Variants in BORCS5 observed in about 807,000 individuals in gnomAD.
BORCS5 encodes BLOC-1 related complex subunit 5.
In BORCS5, 17 loss-of-function variants were observed where a neutral mutation model predicts 22.1. The observed-to-expected ratio is 0.77, with a 90% CI of 0.53 to 1.15. BORCS5 has a LOEUF of 1.15. Among genes scored for constraint, BORCS5 ranks in the 50% most tolerant of loss-of-function variants. The pLI is 0.00. For synonymous variants in BORCS5, 117 were observed against 99.8 expected (o/e 1.17, Z -1.03); for missense variants, 247 against 253.2 (o/e 0.98, Z 0.17).
intron 2 of BORCS5, among the ~76,000 whole-genome samples, chr12:12,411,886 C>T (rs1941744474): frequency 6.6e-6 from 1 of 152,188 alleles, no homozygotes; most frequent in African/African-American, 2.4e-5. Flanking sequence ...GTTGAAAAAA[C>T]TGTCCTTTCC....
intron 2 of BORCS5, among the ~76,000 whole-genome samples, chr12:12,428,683 A>T (rs896010671): frequency 1.3e-5 from 2 of 152,198 alleles, no homozygotes; most frequent in African/African-American, 4.8e-5. Context: ...ATGTGGATCA[A>T]CGTTCTTCTT....
intron 2 of BORCS5, among the ~76,000 whole-genome samples, chr12:12,368,395 C>T (rs1195780208): frequency 2.6e-5 from 4 of 151,806 alleles, no homozygotes; most frequent in African/African-American, 9.7e-5. Context: ...TGAAATGTAG[C>T]CATTAAGATG....
chr12:12,457,841 C>T (rs1388054787), intron 3 of BORCS5, among the ~76,000 whole-genome samples: 1 of 152,222 alleles, frequency 6.6e-6, no homozygotes, highest in Non-Finnish European at 1.5e-5. Flanking sequence ...CACTCCAGCT[C>T]AGGCAGGACA....
At chr12:12,402,419 C>T (rs1027310199) in intron 2 of BORCS5, among the ~76,000 whole-genome samples, 4 of 152,202 alleles carry the variant, frequency 2.6e-5, no homozygotes, top group Non-Finnish European at 4.4e-5. Context: ...GGAGACCCTT[C>T]TCTAATTAGG....
At chr12:12,421,976 A>C (rs868290399) in intron 2 of BORCS5, among the ~76,000 whole-genome samples, 1 of 151,788 alleles carries the variant, frequency 6.6e-6, no homozygotes, top group African/African-American at 2.4e-5. Flanking sequence ...TGGTTTATCA[A>C]TTTTGTTGAT....
intron 3 of BORCS5, among the ~76,000 whole-genome samples, chr12:12,456,720 T>G (rs1943004174): frequency 6.6e-6 from 1 of 151,984 alleles, no homozygotes; most frequent in Non-Finnish European, 1.5e-5. Flanking sequence ...TAAAAACACA[T>G]GGAAGGACTT....
chr12:12,438,385 A>C (rs369172937), intron 3 of BORCS5, among the ~76,000 whole-genome samples: 7,630 of 125,920 alleles, frequency 0.061, 421 homozygotes, highest in African/African-American at 0.092. Flanking sequence ...AAAAAACGAA[A>C]AACAACAACA....
rs531268811 is a variant in BORCS5 at position 12,421,897 on chromosome 12, A to T, written c.203-13731A>T. 3.3e-5 allele frequency among the ~76,000 whole-genome samples: 5 copies of T among 152,196 alleles called. No homozygotes were observed. The South Asian group carries it at 6.2e-4, about 19-fold the overall frequency. Reference sequence around the variant, plus strand: ...GTATTTCTGTGGGATCGGTGATGATATTCCCTTTATCATTTGTTATTGTGT... The same window carrying T: ...GTATTTCTGTGGGATCGGTGATGATTTTCCCTTTATCATTTGTTATTGTGT... On this transcript the variant is annotated intron_variant, in intron 2 of 3. Coordinates refer to ENST00000314565, the MANE Select transcript of BORCS5 (RefSeq NM_058169.6).
chr12:12,420,525 C>T (rs6647108), intron 2 of BORCS5, among the ~76,000 whole-genome samples: 3,974 of 152,186 alleles, frequency 0.026, 185 homozygotes, highest in African/African-American at 0.088. Flanking sequence ...CTTGGCAATG[C>T]GGGCTCTTTT....
intron 2 of BORCS5, 110 bp from the exon 3 acceptor site, chr12:12,435,518 C>A: frequency 1.2e-6 from 1 of 853,130 alleles, no homozygotes; most frequent in Non-Finnish European, 1.8e-6. Context: ...ACAAAAGATG[C>A]AAGATTAAAT....
At chr12:12,452,840 T>A (rs1353205908) in intron 3 of BORCS5, among the ~76,000 whole-genome samples, 1 of 152,210 alleles carries the variant, frequency 6.6e-6, no homozygotes, top group African/African-American at 2.4e-5. Context: ...TAGTTGACCC[T>A]GAAAGGTTTT....
intron 1 of BORCS5, among the ~76,000 whole-genome samples, chr12:12,359,547 A>G (rs1863228358): frequency 6.6e-6 from 1 of 151,828 alleles, no homozygotes; most frequent in Admixed American, 6.6e-5. Context: ...TTTTTAGTAG[A>G]GATAGGGTTT....
intron 2 of BORCS5, among the ~76,000 whole-genome samples, chr12:12,409,033 A>G (rs914997864): frequency 3.3e-5 from 5 of 152,090 alleles, no homozygotes; most frequent in African/African-American, 9.7e-5. Context: ...GCCAGCGGCT[A>G]TGCTATACCA....
intron 2 of BORCS5, among the ~76,000 whole-genome samples, chr12:12,394,712 G>C (rs1051821566): frequency 1.3e-5 from 2 of 151,854 alleles, no homozygotes; most frequent in African/African-American, 4.9e-5. Flanking sequence ...CAAACCTCAT[G>C]GTTGACTTAA....
At chr12:12,377,254 T>C (rs912485389) in intron 2 of BORCS5, among the ~76,000 whole-genome samples, 1 of 151,354 alleles carries the variant, frequency 6.6e-6, no homozygotes, top group Non-Finnish European at 1.5e-5. Flanking sequence ...CTTGGCTCAC[T>C]GCAAGCCCCG....
At chr12:12,441,031 G>T (rs1193866077) in intron 3 of BORCS5, among the ~76,000 whole-genome samples, 1 of 152,112 alleles carries the variant, frequency 6.6e-6, no homozygotes, top group Non-Finnish European at 1.5e-5. Flanking sequence ...GGAGAAAGGG[G>T]GATTCTTAGA....
intron 2 of BORCS5, among the ~76,000 whole-genome samples, chr12:12,363,484 A>G (rs1207639852): frequency 6.6e-6 from 1 of 151,598 alleles, no homozygotes; most frequent in African/African-American, 2.4e-5. Context: ...CGCCTGTAAA[A>G]CAGCACTTTG....
intron 3 of BORCS5, among the ~76,000 whole-genome samples, chr12:12,438,360 C>CCA (rs1942598514): frequency 4.2e-5 from 1 of 23,810 alleles, no homozygotes; most frequent in East Asian, 9.7e-4. Context: ...GATTTCATCT[C>CCA]AAAAAAAAAA....
At chr12:12,419,388 G>A (rs1040718633) in intron 2 of BORCS5, among the ~76,000 whole-genome samples, 5 of 152,112 alleles carry the variant, frequency 3.3e-5, no homozygotes, top group African/African-American at 1.2e-4. Context: ...CCTTTTTTAT[G>A]GCTGCATAGT....
Sources: gnomAD v4.1 joint callset for allele counts (sites outside exome capture counted in the v4.1 genomes callset) on GRCh38, gnomAD v4.1.1 for gene constraint, MANE v1.5 for transcripts, NCBI Gene and HGNC (gene_info 2026-07-23, HGNC 2026-07-21) for gene names.